RBPJ: variants seen among roughly 807,000 people sequenced by gnomAD.
The protein encoded by RBPJ is recombining binding protein suppressor of hairless.
Under a neutral mutation model 67.8 loss-of-function variants are expected in RBPJ, and 9 were observed. The ratio of observed to expected loss-of-function variants is 0.13; its 90% CI spans 0.08 to 0.23. RBPJ has a LOEUF of 0.23. RBPJ is among the 10% of genes least tolerant of loss of function. RBPJ has a pLI of 1.00. For missense variants in RBPJ, 305 were observed against 595.6 expected, an observed-to-expected ratio of 0.51 and a Z score of 5.08; for synonymous variants, 198 against 203.3, an observed-to-expected ratio of 0.97 and a Z score of 0.22.
the RBPJ span, among the ~76,000 whole-genome samples, chr4:26,137,044 A>G: frequency 1.3e-5 from 2 of 152,204 alleles, no homozygotes; most frequent in African/African-American, 2.4e-5. Context: ...GGACAAGACA[A>G]AAGTGGAAGA....
chr4:26,337,769 C>T (rs1017608288), intron 1 of RBPJ, among the ~76,000 whole-genome samples: 9 of 150,346 alleles, frequency 6.0e-5, no homozygotes, highest in Non-Finnish European at 1.3e-4. Flanking sequence ...TCACTGCAGC[C>T]TCAACTTCAT....
intron 2 of RBPJ, among the ~76,000 whole-genome samples, chr4:26,396,121 T>G (rs1732091582): frequency 6.6e-6 from 1 of 152,238 alleles, no homozygotes; most frequent in African/African-American, 2.4e-5. Context: ...TGTTTCATCA[T>G]AAGACACCTA....
intron 1 of RBPJ, among the ~76,000 whole-genome samples, chr4:26,373,178 T>C (rs927088796): frequency 6.6e-6 from 1 of 152,266 alleles, no homozygotes; most frequent in Non-Finnish European, 1.5e-5. Context: ...TAAAATGTTT[T>C]GGAAATCTCT....
At chr4:26,308,556 G>C (rs567082231) in intron 1 of RBPJ, among the ~76,000 whole-genome samples, 1 of 152,318 alleles carries the variant, frequency 6.6e-6, no homozygotes, top group East Asian at 1.9e-4. Flanking sequence ...TATTGAAAGA[G>C]ACAATGTACA....
At chr4:26,169,442 A>G (rs1413046821) in intron 1 of RBPJ, among the ~76,000 whole-genome samples, 4 of 152,204 alleles carry the variant, frequency 2.6e-5, no homozygotes, top group Non-Finnish European at 4.4e-5. Context: ...ATTTTGTCTC[A>G]GAGGAGTACC....
At chr4:26,267,247 G>T (rs1264171312) in intron 1 of RBPJ, among the ~76,000 whole-genome samples, 1 of 152,098 alleles carries the variant, frequency 6.6e-6, no homozygotes, top group Non-Finnish European at 1.5e-5. Flanking sequence ...GAGTCTGGAG[G>T]GGGTGGGGCT....
rs189067607 is a variant in RBPJ at position 26,175,379 on chromosome 4, G to C, written c.-167+11765G>C. ...CTACAAGCTGGGGGAGCTTGAGCTGGGGGGGGGATTTGAGTCTGGGGGAGG... is the reference window on the plus strand; with the variant it reads ...CTACAAGCTGGGGGAGCTTGAGCTGCGGGGGGGATTTGAGTCTGGGGGAGG... On this transcript the variant is annotated intron_variant, in intron 1 of 4. Coordinates refer to the RBPJ transcript ENST00000512351. 2.2e-4 allele frequency among the ~76,000 whole-genome samples: 33 copies of C among 151,546 alleles called. No individual in the cohort carries two copies. In the East Asian group the frequency reaches 5.4e-3, roughly 25 times the overall value.
At chr4:26,352,360 A>T (rs946298314) in intron 1 of RBPJ, among the ~76,000 whole-genome samples, 5 of 152,190 alleles carry the variant, frequency 3.3e-5, no homozygotes, top group African/African-American at 1.2e-4. Context: ...TAAGGACACT[A>T]ATCCCATTCA....
chr4:26,308,353 C>T (rs1198544745), intron 1 of RBPJ, among the ~76,000 whole-genome samples: 1 of 151,938 alleles, frequency 6.6e-6, no homozygotes, highest in Admixed American at 6.6e-5. Flanking sequence ...ACTTTTCAGA[C>T]AGACCTATTG....
chr4:26,422,247 T>A (rs1023537504), intron 5 of RBPJ, among the ~76,000 whole-genome samples: 5 of 151,952 alleles, frequency 3.3e-5, no homozygotes, highest in African/African-American at 1.2e-4. Context: ...TTGATTATAG[T>A]AGTTCAGCTG....
intron 1 of RBPJ, among the ~76,000 whole-genome samples, chr4:26,377,214 A>G (rs1729841794): frequency 6.6e-6 from 1 of 152,204 alleles, no homozygotes; most frequent in Non-Finnish European, 1.5e-5. Context: ...GATTAGAAGT[A>G]CATTTATCTG....
chr4:26,215,396 AGGAAGGGGGG>A (rs1718679626), intron 1 of RBPJ, among the ~76,000 whole-genome samples: 2 of 29,736 alleles, frequency 6.7e-5, no homozygotes, highest in Non-Finnish European at 1.1e-4. Flanking sequence ...GGAGAGAGGA[AGGAAGGGGGG>A]GGAAGGAAGG....
intron 4 of RBPJ, among the ~76,000 whole-genome samples, chr4:26,416,855 T>G (rs1398504576): frequency 6.6e-6 from 1 of 152,232 alleles, no homozygotes; most frequent in Non-Finnish European, 1.5e-5. Flanking sequence ...TCCTTCAAAT[T>G]TAGCTGTTTG....
chr4:26,153,122 CAA>C, the RBPJ span, among the ~76,000 whole-genome samples: 2 of 152,168 alleles, frequency 1.3e-5, no homozygotes, highest in Admixed American at 6.5e-5. Flanking sequence ...GTGCATGAAA[CAA>C]AGTTTGTGTG....
At chr4:26,295,589 A>G (rs1483660750) in intron 1 of RBPJ, among the ~76,000 whole-genome samples, 3 of 152,080 alleles carry the variant, frequency 2.0e-5, no homozygotes, top group Admixed American at 1.3e-4. Flanking sequence ...GAATGGGTAG[A>G]GATTTCAAAG....
intron 1 of RBPJ, among the ~76,000 whole-genome samples, chr4:26,355,058 A>AT (rs1250111844): frequency 1.3e-5 from 2 of 151,818 alleles, no homozygotes; most frequent in African/African-American, 4.8e-5. Flanking sequence ...CTCCTGCCGT[A>AT]TTTTTTTGGT....
chr4:26,226,123 TG>T (rs1232812358), intron 1 of RBPJ, among the ~76,000 whole-genome samples: 25 of 141,740 alleles, frequency 1.8e-4, no homozygotes, highest in Non-Finnish European at 3.3e-4. Context: ...CACTCCAGCC[TG>T]GGTGACAGAG....
At chr4:26,398,932 G>A (rs1426964206) in intron 2 of RBPJ, among the ~76,000 whole-genome samples, 2 of 152,124 alleles carry the variant, frequency 1.3e-5, no homozygotes, top group Non-Finnish European at 1.5e-5. Context: ...AATTCTGTGT[G>A]TTATATACTT....
At chr4:26,361,582 G>T (rs975808338) in intron 1 of RBPJ, among the ~76,000 whole-genome samples, 25 of 151,818 alleles carry the variant, frequency 1.6e-4, no homozygotes, top group Non-Finnish European at 3.5e-4. Context: ...TCTTTTTATG[G>T]CTTGCGTGTA....
Sources: gnomAD v4.1 joint callset for allele counts (sites outside exome capture counted in the v4.1 genomes callset) on GRCh38, gnomAD v4.1.1 for gene constraint, MANE v1.5 for transcripts, NCBI Gene and HGNC (gene_info 2026-07-23, HGNC 2026-07-21) for gene names.